The following COL13A1 variants were observed in gnomAD, a reference collection of about 807,000 sequenced individuals.
The protein encoded by COL13A1 is collagen type XIII alpha 1 chain, also known as collagen alpha-1(XIII) chain.
Under a neutral mutation model 130.9 loss-of-function variants are expected in COL13A1, and 89 were observed. That is an observed-to-expected ratio of 0.68 (90% confidence interval 0.57 to 0.81). COL13A1 has a LOEUF of 0.81. Ranked by LOEUF, COL13A1 falls within the 30% of genes least tolerant of loss-of-function variation. The pLI, the probability that COL13A1 is intolerant of heterozygous loss-of-function variation, is 0.00. For missense variants in COL13A1, 879 were observed against 934.6 expected (o/e 0.94, Z 0.78); for synonymous variants, 402 against 341.6 (o/e 1.18, Z -1.95).
chr10:69,938,751 C>A (rs967723259), intron 34 of COL13A1, among the ~76,000 whole-genome samples: 3 of 152,184 alleles, frequency 2.0e-5, no homozygotes, highest in African/African-American at 4.8e-5. Flanking sequence ...TATAATTATA[C>A]CCTCATGAAT....
intron 17 of COL13A1, among the ~76,000 whole-genome samples, chr10:69,907,478 G>A (rs903467443): frequency 1.3e-5 from 2 of 152,152 alleles, no homozygotes; most frequent in African/African-American, 2.4e-5. Flanking sequence ...AGGAGAGGGC[G>A]AGAGAACACG....
At chr10:69,916,454 C>T (rs925876627) in intron 17 of COL13A1, among the ~76,000 whole-genome samples, 1 of 152,226 alleles carries the variant, frequency 6.6e-6, no homozygotes, top group African/African-American at 2.4e-5. Flanking sequence ...CCCCACTCCC[C>T]TGATGTAGCC....
chr10:69,840,872 C>T (rs1370801592), intron 2 of COL13A1, among the ~76,000 whole-genome samples: 2 of 152,160 alleles, frequency 1.3e-5, no homozygotes, highest in Non-Finnish European at 2.9e-5. Context: ...TCCAACCCAG[C>T]GTTCCCCTGC....
chr10:69,879,104 C>T (rs545740408), intron 6 of COL13A1, among the ~76,000 whole-genome samples: 1 of 152,352 alleles, frequency 6.6e-6, no homozygotes, highest in East Asian at 1.9e-4. Context: ...TTAATATTCT[C>T]ATTTACACGA....
rs1301839394 is a variant in COL13A1, at chr10:69,927,047, G to A, written c.1399-40G>A. ...AGTGAGAACCTTCCACTTGGCTCTT[G>A]GTTTGCTCTTCAACTGATTGCCTGG... is the stretch of plus-strand genomic sequence containing the variant. On this transcript the variant is annotated intron_variant, in intron 26 of 40. Coordinates refer to ENST00000645393, the MANE Select transcript of COL13A1 (RefSeq NM_001368882.1). The A allele has an allele frequency of 1.9e-6, 3 of 1,613,490 alleles. No homozygotes were observed. The African/African-American group carries it at 4.0e-5, about 22-fold the overall frequency.
intron 2 of COL13A1, among the ~76,000 whole-genome samples, chr10:69,837,268 C>T (rs148465028): frequency 3.3e-5 from 5 of 152,192 alleles, no homozygotes; most frequent in African/African-American, 1.2e-4. Flanking sequence ...TGGCTGGTGT[C>T]GGTTCTGATT....
intron 35 of COL13A1, among the ~76,000 whole-genome samples, chr10:69,943,845 C>G (rs2068038269): frequency 6.6e-6 from 1 of 152,234 alleles, no homozygotes; most frequent in South Asian, 2.1e-4. Context: ...AACTAAGCAA[C>G]CATTCTCCCA....
At chr10:69,836,103 T>C (rs1849976420) in intron 2 of COL13A1, among the ~76,000 whole-genome samples, 1 of 152,202 alleles carries the variant, frequency 6.6e-6, no homozygotes, top group Admixed American at 6.5e-5. Flanking sequence ...TATCTCTCTC[T>C]CTCACTCCCT....
rs1304438626 is a variant in COL13A1, at chr10:69,930,464, G to T, written c.1595G>T (p.Gly532Val). ...CCCCAAGGCCCCCCAGGAAAGGATG[G>T]ACCTCCAGGAGTGAAGGGAGAAAAC... The part of the protein sequence containing the change: ...PGPQGPPGKD[G>V]PPGVKGENGH... The change falls in exon 30 of 41, where the codon GGA becomes GTA. Residue 532 changes from glycine to valine, a missense_variant. Physicochemically the swap from Gly to Val is moderately radical, Grantham distance 109 (BLOSUM62 -3). This residue lies in a region of COL13A1 where 715 missense variants were observed against 721.0 expected (regional missense o/e 0.99). Transcript: ENST00000645393. 1 of 1,613,812 alleles carries T rather than the reference G, an allele frequency of 6.2e-7. No homozygotes were observed. Among genetic ancestry groups the T allele is most frequent in the Non-Finnish European group, 8.5e-7 (1 of 1,179,782 alleles).
chr10:69,892,458 G>A (rs922431172), intron 10 of COL13A1, among the ~76,000 whole-genome samples: 3 of 152,170 alleles, frequency 2.0e-5, no homozygotes, highest in Admixed American at 6.5e-5. Flanking sequence ...AGTGTAGTTG[G>A]GGGGTGGACA....
intron 2 of COL13A1, 136 bp downstream of exon 2, chr10:69,822,574 T>C (rs1205360290): frequency 1.6e-6 from 1 of 632,918 alleles, no homozygotes; most frequent in East Asian, 3.4e-5. Context: ...ACAATATCTG[T>C]GGTTGCCTTC....
Position 69,875,126 on chromosome 10 carries a change from AG to A in COL13A1, c.403del. ...GACTGTTTCTGCCTCCTTCATCATC[AG>A]GGGGACAAAGGTGCCATTGGGATGC... On this transcript the variant is annotated splice_acceptor_variant, in intron 4 of 40. Coordinates refer to ENST00000645393, the MANE Select transcript of COL13A1 (RefSeq NM_001368882.1). LOFTEE classifies it high-confidence loss of function. The A allele has an allele frequency of 6.2e-7, 1 of 1,613,924 alleles. No individual in the cohort carries two copies. The highest frequency in any genetic ancestry group is 8.5e-7 in the Non-Finnish European group (1 of 1,179,870).
At chr10:69,894,812 C>G in intron 12 of COL13A1, 111 bp downstream of exon 12, 1 of 1,433,876 alleles carries the variant, frequency 7.0e-7, no homozygotes. Flanking sequence ...TTGACAGAAC[C>G]AGGAAAGCCC....
chr10:69,900,982 G>A (rs2062126782), intron 14 of COL13A1, among the ~76,000 whole-genome samples: 1 of 152,198 alleles, frequency 6.6e-6, no homozygotes, highest in Non-Finnish European at 1.5e-5. Context: ...CCCATCTTGT[G>A]AATGTAGAAA....
At chr10:69,826,870 A>G (rs1847629800) in intron 2 of COL13A1, among the ~76,000 whole-genome samples, 1 of 152,114 alleles carries the variant, frequency 6.6e-6, no homozygotes, top group Admixed American at 6.5e-5. Context: ...CATGACCAAC[A>G]CAAAAGGGGA....
chr10:69,928,652 T>C (rs992866282), intron 27 of COL13A1, among the ~76,000 whole-genome samples: 14 of 152,180 alleles, frequency 9.2e-5, no homozygotes, highest in African/African-American at 3.4e-4. Flanking sequence ...ACTTAGCTTC[T>C]TGGAGCCCAA....
chr10:69,950,710 G>A (rs994192060), intron 38 of COL13A1, among the ~76,000 whole-genome samples: 1 of 152,210 alleles, frequency 6.6e-6, no homozygotes, highest in African/African-American at 2.4e-5. Context: ...ATATTTAAAC[G>A]CATGTCGTTT....
intron 7 of COL13A1, among the ~76,000 whole-genome samples, chr10:69,887,089 C>T (rs915032843): frequency 1.3e-5 from 2 of 152,206 alleles, no homozygotes; most frequent in East Asian, 1.9e-4. Flanking sequence ...CTTAGAGGAT[C>T]GCCGTCCAGG....
At chr10:69,887,982 C>G (rs1423163943) in intron 8 of COL13A1, among the ~76,000 whole-genome samples, 1 of 152,118 alleles carries the variant, frequency 6.6e-6, no homozygotes, top group African/African-American at 2.4e-5. Flanking sequence ...GCAGGCCAGC[C>G]CCTGATTTCT....
Sources: allele counts gnomAD v4.1 joint callset (sites outside exome capture counted in the v4.1 genomes callset), GRCh38; gene constraint gnomAD v4.1.1; regional missense constraint gnomAD v4.1.1; transcripts MANE v1.5; gene names NCBI Gene and HGNC (gene_info 2026-07-23, HGNC 2026-07-21).